Variants in GNA14 observed in about 807,000 individuals in gnomAD.
GNA14 encodes the protein guanine nucleotide-binding protein subunit alpha-14.
GNA14 carries 50 observed loss-of-function variants against 42.0 expected under a neutral mutation model. The observed-to-expected ratio is 1.19, with a 90% CI of 0.95 to 1.51. GNA14 has a LOEUF of 1.51. GNA14 is among the 40% of genes most tolerant of loss of function. The probability of loss-of-function intolerance (pLI) is 0.00; values close to 1 mark genes in which losing one functional copy is unlikely to be tolerated. For missense variants in GNA14, 473 were observed against 446.2 expected (o/e 1.06, Z -0.54); for synonymous variants, 173 against 163.1 (o/e 1.06, Z -0.46).
chr9:77,528,416 T>C (rs1431308566), intron 2 of GNA14, among the ~76,000 whole-genome samples: 1 of 152,188 alleles, frequency 6.6e-6, no homozygotes, highest in Admixed American at 6.5e-5. Context: ...CAATATACCA[T>C]ATAAAATTTT....
At chr9:77,506,828 A>G (rs553590996) in intron 2 of GNA14, among the ~76,000 whole-genome samples, 1 of 152,344 alleles carries the variant, frequency 6.6e-6, no homozygotes, top group Admixed American at 6.5e-5. Context: ...CATATTGGAC[A>G]GCAAAGAGTT....
At chr9:77,535,528 G>A (rs1433326058) in intron 1 of GNA14, among the ~76,000 whole-genome samples, 2 of 152,092 alleles carry the variant, frequency 1.3e-5, no homozygotes, top group African/African-American at 2.4e-5. Flanking sequence ...CAGCCTGGGC[G>A]ACATGCGAGA....
intron 1 of GNA14, among the ~76,000 whole-genome samples, chr9:77,623,893 G>A (rs1230846380): frequency 6.6e-6 from 1 of 152,174 alleles, no homozygotes; most frequent in Non-Finnish European, 1.5e-5. Flanking sequence ...ATACCCCAGT[G>A]GTGCCTGGAA....
chr9:77,490,475 T>G (rs549222510), intron 2 of GNA14, among the ~76,000 whole-genome samples: 1 of 152,314 alleles, frequency 6.6e-6, no homozygotes, highest in East Asian at 1.9e-4. Context: ...CAGGAACCCA[T>G]GGAGGCAAGG....
rs148497916 is a variant in GNA14 at position 77,514,521 on chromosome 9, C to T, written c.309+14548G>A. 9.0e-3 allele frequency among the ~76,000 whole-genome samples: 1,367 copies of T among 151,864 alleles called. 23 individuals carry two copies. Among genetic ancestry groups the T allele is most frequent in the African/African-American group, 0.031 (1,302 of 41,430 alleles). On this transcript the variant is annotated intron_variant, in intron 2 of 6. Transcript: ENST00000341700. ...ATAATGTAATACGAAGGATACTGGG[C>T]ATTACAGGTACACTGGAAAGAGTAT...
intron 2 of GNA14, among the ~76,000 whole-genome samples, chr9:77,435,342 G>C (rs953354599): frequency 1.3e-5 from 2 of 151,964 alleles, no homozygotes; most frequent in African/African-American, 4.8e-5. Context: ...GGGTGACAGA[G>C]CGAGACTCTG....
chr9:77,478,019 T>C (rs947362004), intron 2 of GNA14, among the ~76,000 whole-genome samples: 1 of 138,590 alleles, frequency 7.2e-6, no homozygotes, highest in Non-Finnish European at 1.6e-5. Flanking sequence ...GAGAGACCTT[T>C]TTAAAGGTGT....
Position 77,647,828 on chromosome 9 carries a change from G to A in GNA14, c.-35C>T. 1 of 1,591,496 alleles carries A rather than the reference G, an allele frequency of 6.3e-7. No individual in the cohort carries two copies. Among genetic ancestry groups the A allele is most frequent in the Non-Finnish European group, 8.5e-7 (1 of 1,172,832 alleles). On this transcript the variant is annotated 5_prime_UTR_variant, in exon 1 of 7. Transcript: ENST00000341700. ...AGCTCAGTACCCGACGGGGCGACGC[G>A]GCCCCGGGCACCCGAATCCTCGGCC...
chr9:77,533,702 A>G (rs1837559811), intron 1 of GNA14, among the ~76,000 whole-genome samples: 1 of 152,204 alleles, frequency 6.6e-6, no homozygotes, highest in African/African-American at 2.4e-5. Context: ...CTCCTGCTAT[A>G]CAGCTTTGCC....
At chr9:77,601,357 G>A (rs753132146) in intron 1 of GNA14, among the ~76,000 whole-genome samples, 1 of 152,130 alleles carries the variant, frequency 6.6e-6, no homozygotes, top group African/African-American at 2.4e-5. Flanking sequence ...GTGAAAGAAA[G>A]AATCTTTTAC....
chr9:77,615,878 G>T (rs1280197061), intron 1 of GNA14, among the ~76,000 whole-genome samples: 2 of 148,516 alleles, frequency 1.3e-5, no homozygotes, highest in African/African-American at 5.0e-5. Context: ...TTTTTTTTTT[G>T]GAGAAATCCC....
chr9:77,643,062 C>A (rs1052586532), intron 1 of GNA14, among the ~76,000 whole-genome samples: 17 of 152,314 alleles, frequency 1.1e-4, no homozygotes, highest in Admixed American at 2.0e-4. Context: ...TTATGACCAT[C>A]TTCCTCATAA....
intron 1 of GNA14, among the ~76,000 whole-genome samples, chr9:77,646,133 C>T (rs912027762): frequency 6.6e-6 from 1 of 152,154 alleles, no homozygotes; most frequent in African/African-American, 2.4e-5. Context: ...GAGCCCCTTC[C>T]CTTCCCCACC....
In GNA14 at chr9:77,462,713, T is replaced by A. The variant is rs1016710507; in HGVS notation, c.310-28191A>T. ...TCCAGCCTGGGTGACAGAGCAAGAC[T>A]CCATCTCGGGGCGGGGGGTGGGGGG... On this transcript the variant is annotated intron_variant, in intron 2 of 6. Transcript: ENST00000341700. Among the ~76,000 whole-genome samples the A allele has an allele frequency of 8.3e-5, 5 of 60,092 alleles. No homozygotes were observed. The South Asian group carries it at 4.3e-3, about 52-fold the overall frequency. The allele number at this position is 60,092 out of a possible 152,430, so 39.4% of individuals were successfully genotyped here.
intron 5 of GNA14, among the ~76,000 whole-genome samples, chr9:77,427,760 G>T (rs1274162536): frequency 7.1e-6 from 1 of 140,344 alleles, no homozygotes; most frequent in Admixed American, 7.0e-5. Flanking sequence ...GCCTGACCAG[G>T]CTGGATCCAT....
intron 2 of GNA14, among the ~76,000 whole-genome samples, chr9:77,440,869 C>T (rs1164845537): frequency 1.3e-5 from 2 of 152,118 alleles, no homozygotes; most frequent in Non-Finnish European, 2.9e-5. Flanking sequence ...GTGCCCACCA[C>T]CATGCCCGGC....
chr9:77,425,123 C>T (rs1358299452), intron 6 of GNA14, among the ~76,000 whole-genome samples: 1 of 152,082 alleles, frequency 6.6e-6, no homozygotes, highest in African/African-American at 2.4e-5. Context: ...AGAGTCTCTA[C>T]CCTCATGGAG....
At chr9:77,453,103 G>A (rs1835944453) in intron 2 of GNA14, among the ~76,000 whole-genome samples, 1 of 152,102 alleles carries the variant, frequency 6.6e-6, no homozygotes, top group Non-Finnish European at 1.5e-5. Context: ...TTGCACCACT[G>A]CACTCTAGCC....
intron 2 of GNA14, among the ~76,000 whole-genome samples, chr9:77,495,506 C>T (rs1445108824): frequency 6.6e-6 from 1 of 152,092 alleles, no homozygotes. Flanking sequence ...GGACATTCTA[C>T]GAATAAGAAA....
Sources: allele counts gnomAD v4.1 joint callset (sites outside exome capture counted in the v4.1 genomes callset), GRCh38; gene constraint gnomAD v4.1.1; transcripts MANE v1.5; gene names NCBI Gene and HGNC (gene_info 2026-07-23, HGNC 2026-07-21).